Variants in ARL15 observed in about 807,000 individuals in gnomAD.
ARL15 encodes the protein ADP-ribosylation factor-like protein 15.
A neutral mutation model predicts 25.2 loss-of-function variants in ARL15; 19 were observed. The observed-to-expected ratio is 0.75, with a 90% CI of 0.53 to 1.10. The LOEUF is 1.10. Ranked by LOEUF, ARL15 falls within the 50% of genes least tolerant of loss-of-function variation. The pLI is 0.00. For synonymous variants in ARL15, 94 were observed against 86.8 expected (o/e 1.08, Z -0.46); for missense variants, 220 against 246.0 (o/e 0.89, Z 0.71).
At chr5:53,981,711 C>T (rs1171031637) in intron 4 of ARL15, among the ~76,000 whole-genome samples, 1 of 152,008 alleles carries the variant, frequency 6.6e-6, no homozygotes, top group East Asian at 1.9e-4. Flanking sequence ...GCCTGACCAA[C>T]ATGGAGAAAC....
chr5:54,135,023 A>G (rs1210746397), intron 3 of ARL15, among the ~76,000 whole-genome samples: 1 of 152,234 alleles, frequency 6.6e-6, no homozygotes, highest in Non-Finnish European at 1.5e-5. Context: ...CAGATGTCTC[A>G]AAGCTGAAAG....
chr5:54,061,503 G>A (rs1472525052), intron 4 of ARL15, among the ~76,000 whole-genome samples: 7 of 152,142 alleles, frequency 4.6e-5, no homozygotes, highest in African/African-American at 1.7e-4. Flanking sequence ...CCAGCTACTT[G>A]AGAGGCTGAG....
chr5:53,942,461 C>A (rs1036388217), intron 4 of ARL15, among the ~76,000 whole-genome samples: 21 of 152,056 alleles, frequency 1.4e-4, no homozygotes, highest in African/African-American at 4.8e-4. Flanking sequence ...AAACCATGGA[C>A]CAAGGACCAG....
chr5:53,914,244 TA>T (rs769274662), intron 4 of ARL15, among the ~76,000 whole-genome samples: 64 of 152,124 alleles, frequency 4.2e-4, no homozygotes, highest in Admixed American at 1.1e-3. Flanking sequence ...AGCTTGGTGG[TA>T]TAGCAGTCTA....
intron 1 of ARL15, among the ~76,000 whole-genome samples, chr5:54,279,423 T>C (rs1758000573): frequency 6.6e-6 from 1 of 152,152 alleles, no homozygotes; most frequent in African/African-American, 2.4e-5. Flanking sequence ...CTTAAAGATG[T>C]CCACCTTCTT....
rs188557775 is a variant in ARL15 at position 54,239,323 on chromosome 5, T to A, written c.49-67395A>T. Reference sequence around the variant, plus strand: ...TGAAATATACAGTTCAGGTATCTCTTCTGAAGTAAAATATTGGTATGTATC... The same window carrying A: ...TGAAATATACAGTTCAGGTATCTCTACTGAAGTAAAATATTGGTATGTATC... On this transcript the variant is annotated intron_variant, in intron 1 of 4. Coordinates refer to ENST00000504924, the MANE Select transcript of ARL15 (RefSeq NM_019087.3). Among the ~76,000 whole-genome samples, 222 of 152,244 alleles carry A rather than the reference T, an allele frequency of 1.5e-3. 1 individual carries two copies. Among genetic ancestry groups the A allele is most frequent in the Admixed American group, 1.6e-3 (24 of 15,290 alleles).
chr5:54,125,969 A>T (rs1426316340), intron 3 of ARL15, among the ~76,000 whole-genome samples: 3 of 152,128 alleles, frequency 2.0e-5, no homozygotes, highest in Non-Finnish European at 1.5e-5. Flanking sequence ...AAGCAACATT[A>T]AAAAAATTGC....
chr5:54,011,860 T>C (rs367925890), intron 4 of ARL15, among the ~76,000 whole-genome samples: 24 of 152,102 alleles, frequency 1.6e-4, no homozygotes, highest in Middle Eastern at 3.4e-3. Flanking sequence ...AATACAAAAA[T>C]TAGCTGCGTG....
intron 3 of ARL15, among the ~76,000 whole-genome samples, chr5:54,121,845 T>C (rs1753086370): frequency 6.6e-6 from 1 of 152,180 alleles, no homozygotes; most frequent in Middle Eastern, 3.2e-3. Flanking sequence ...AATTACCTCA[T>C]AGGATTGTGA....
Position 54,062,439 on chromosome 5 carries a change from C to T in ARL15, c.462+50763G>A, listed in dbSNP as rs200246105. 2.9e-4 allele frequency among the ~76,000 whole-genome samples: 43 copies of T among 147,224 alleles called. No individual in the cohort carries two copies. In the South Asian group the frequency reaches 3.9e-3, roughly 13 times the overall value. On this transcript the variant is annotated intron_variant, in intron 4 of 4. Coordinates refer to ENST00000504924, the MANE Select transcript of ARL15 (RefSeq NM_019087.3). Reference sequence around the variant, plus strand: ...GTTGTGGGAGAGACCCGGTGGGAGGCGATTGAATTATGAAGGCCAGTCTTT... The same window carrying T: ...GTTGTGGGAGAGACCCGGTGGGAGGTGATTGAATTATGAAGGCCAGTCTTT...
At chr5:54,088,708 A>G (rs1752049690) in intron 4 of ARL15, among the ~76,000 whole-genome samples, 1 of 152,218 alleles carries the variant, frequency 6.6e-6, no homozygotes, top group Non-Finnish European at 1.5e-5. Flanking sequence ...TGTTGTTTAC[A>G]TGGAGGCCTA....
At chr5:54,030,166 C>A (rs1478029096) in intron 4 of ARL15, among the ~76,000 whole-genome samples, 7 of 151,898 alleles carry the variant, frequency 4.6e-5, no homozygotes, top group Admixed American at 1.3e-4. Context: ...CAGAGCAACA[C>A]CCTGTTTCAA....
chr5:54,140,092 A>G (rs1406512411), intron 3 of ARL15, among the ~76,000 whole-genome samples: 1 of 152,202 alleles, frequency 6.6e-6, no homozygotes, highest in Non-Finnish European at 1.5e-5. Flanking sequence ...CAATGTATCT[A>G]TCTGACTACT....
At chr5:54,005,344 C>T (rs1426020164) in intron 4 of ARL15, among the ~76,000 whole-genome samples, 2 of 152,164 alleles carry the variant, frequency 1.3e-5, no homozygotes, top group Non-Finnish European at 2.9e-5. Flanking sequence ...CTCAATTGTT[C>T]ACAGGATCCA....
At chr5:54,068,046 C>G (rs1035808236) in intron 4 of ARL15, among the ~76,000 whole-genome samples, 1 of 152,138 alleles carries the variant, frequency 6.6e-6, no homozygotes, top group African/African-American at 2.4e-5. Context: ...ACACTTTGTT[C>G]TCTGATTTAA....
intron 1 of ARL15, among the ~76,000 whole-genome samples, chr5:54,238,805 G>A (rs1756878475): frequency 6.6e-6 from 1 of 152,204 alleles, no homozygotes; most frequent in African/African-American, 2.4e-5. Context: ...AAACAGGAAC[G>A]CTTGACTCAG....
chr5:54,162,575 G>A (rs1293131714), intron 2 of ARL15, among the ~76,000 whole-genome samples: 1 of 151,968 alleles, frequency 6.6e-6, no homozygotes, highest in East Asian at 1.9e-4. Flanking sequence ...CTTATATATG[G>A]ACCTCTGCAT....
intron 4 of ARL15, among the ~76,000 whole-genome samples, chr5:54,018,206 C>A (rs763113620): frequency 6.6e-6 from 1 of 152,052 alleles, no homozygotes; most frequent in South Asian, 2.1e-4. Context: ...CTCAAATGCA[C>A]ATTTTTTTTT....
intron 1 of ARL15, among the ~76,000 whole-genome samples, chr5:54,190,125 C>T (rs1257156368): frequency 6.6e-6 from 1 of 152,112 alleles, no homozygotes; most frequent in Non-Finnish European, 1.5e-5. Context: ...GGTGTGGTGG[C>T]TCACGCCTGT....
Sources: allele counts gnomAD v4.1 joint callset (sites outside exome capture counted in the v4.1 genomes callset), GRCh38; gene constraint gnomAD v4.1.1; transcripts MANE v1.5; gene names NCBI Gene and HGNC (gene_info 2026-07-23, HGNC 2026-07-21).